Variants in ANKRD27 observed in about 807,000 individuals in gnomAD.
The protein encoded by ANKRD27 is ankyrin repeat domain-containing protein 27.
A neutral mutation model predicts 129.7 loss-of-function variants in ANKRD27; 112 were observed. The observed-to-expected ratio is 0.86, with a 90% confidence interval of 0.74 to 1.01. ANKRD27 has a LOEUF of 1.01. ANKRD27 is among the 50% of genes least tolerant of loss of function. The pLI, the probability that ANKRD27 is intolerant of heterozygous loss-of-function variation, is 0.00. For synonymous variants in ANKRD27, 516 were observed against 511.2 expected (o/e 1.01, Z -0.13); for missense variants, 1,258 against 1,300.5 (o/e 0.97, Z 0.50).
At chr19:32,626,311 G>C (rs1972089633) in intron 16 of ANKRD27, among the ~76,000 whole-genome samples, 1 of 152,130 alleles carries the variant, frequency 6.6e-6, no homozygotes, top group Admixed American at 6.6e-5. Context: ...GGGACTATAG[G>C]CACACACCAT....
At chr19:32,671,970 G>A (rs571037907) in intron 1 of ANKRD27, among the ~76,000 whole-genome samples, 3 of 152,138 alleles carry the variant, frequency 2.0e-5, no homozygotes, top group South Asian at 2.1e-4. Flanking sequence ...AGGGAGCAGC[G>A]TGCACACTCG....
chr19:32,643,927 T>G (rs889590531), intron 5 of ANKRD27: 54 of 498,590 alleles, frequency 1.1e-4, no homozygotes, highest in Middle Eastern at 1.1e-3. Context: ...CAGAGTAGAG[T>G]GCAGTGGTAT....
In ANKRD27 at chr19:32,599,982, C is replaced by T; in HGVS notation, c.2836G>A (p.Gly946Ser). 2 of 1,612,400 alleles carry T rather than the reference C, an allele frequency of 1.2e-6. No individual in the cohort carries two copies. Among genetic ancestry groups the T allele is most frequent in the Non-Finnish European group, 1.7e-6 (2 of 1,178,874 alleles). ...GAGTTTCATACTCACTTAAACTGAC[C>T]AGCTGAGTGGACAAAGTAAAACTGT... ...TRQFYFVHSA[G>S]QFKGKTSREI... is the part of the protein sequence containing the mutation. Residue 946 changes from glycine (G) to serine (S), a missense_variant, in exon 27 of 29, where the codon GGT becomes AGT. By Grantham distance (56) the Gly-to-Ser change is moderately conservative. Transcript: ENST00000306065.
intron 5 of ANKRD27, 134 bp downstream of exon 5, chr19:32,644,191 T>C: frequency 2.7e-6 from 3 of 1,092,450 alleles, no homozygotes; most frequent in Non-Finnish European, 4.0e-6. Context: ...CTTTTATAGT[T>C]AGAGAGAAAC....
intron 13 of ANKRD27, among the ~76,000 whole-genome samples, chr19:32,629,249 G>C (rs1182160288): frequency 2.0e-5 from 3 of 152,144 alleles, no homozygotes; most frequent in Non-Finnish European, 4.4e-5. Context: ...GCTCATCTAT[G>C]TGTTTATGGA....
intron 10 of ANKRD27, 64 bp from the exon 11 acceptor site, chr19:32,640,449 ACTCCCTACCACCGCACAC>A: frequency 7.5e-7 from 1 of 1,339,748 alleles, no homozygotes; most frequent in Non-Finnish European, 1.1e-6. Context: ...AAGCATATCA[ACTCCCTACCACCGCACAC>A]CTTGTGAAAC....
At position 32,641,764 on chromosome 19, in the gene ANKRD27, C is replaced by CTTTTTTTTTTT. The variant is rs35422369; in HGVS notation, c.904+259_904+260insAAAAAAAAAAA. On this transcript the variant is annotated intron_variant, in intron 10 of 28. Coordinates refer to ENST00000306065, the MANE Select transcript of ANKRD27 (RefSeq NM_032139.3). ...TTTCTTGACTTGTTTTCTTTTACTTCTTCTTTTTTTTTTTTTTTTTTGAGA... is the reference window on the plus strand; with the variant it reads ...TTTCTTGACTTGTTTTCTTTTACTTCTTTTTTTTTTTTTCTTTTTTTTTTTTTTTTTTGAGA... Among the ~76,000 whole-genome samples, 3 of 79,726 alleles carry CTTTTTTTTTTT rather than the reference C, an allele frequency of 3.8e-5. 1 individual carries two copies. 52.3% of individuals were successfully genotyped at this position (79,726 alleles called of 152,430 possible).
intron 1 of ANKRD27, among the ~76,000 whole-genome samples, chr19:32,660,459 A>C (rs1967623246): frequency 6.6e-6 from 1 of 152,234 alleles, no homozygotes. Context: ...CAGAGGTTGC[A>C]GTGAGCAGAG....
chr19:32,609,938 G>A (rs1971809175), intron 22 of ANKRD27, among the ~76,000 whole-genome samples: 1 of 152,154 alleles, frequency 6.6e-6, no homozygotes, highest in Admixed American at 6.5e-5. Context: ...CACTTTGGGA[G>A]GCTGAGGCAG....
intron 1 of ANKRD27, among the ~76,000 whole-genome samples, chr19:32,661,391 C>G (rs1403689968): frequency 6.6e-6 from 1 of 152,118 alleles, no homozygotes; most frequent in African/African-American, 2.4e-5. Flanking sequence ...AGTCCAATGA[C>G]ATGATCGTAG....
Position 32,631,486 on chromosome 19 carries a change from C to T in ANKRD27, c.1125G>A (p.Glu375=). ...GSLSAKPPES[E]GFGDRLFLKQ... ...TAAGGAACAGCCTGTCTCCAAATCC[C>T]TCAGACTCCTGCAGGGAAAAAACCA... Residue 375 remains glutamate, a synonymous_variant, in exon 13 of 29, where the codon GAG becomes GAA. Transcript: ENST00000306065. 3 of 1,614,016 alleles carry T rather than the reference C, an allele frequency of 1.9e-6. No individual in the cohort carries two copies. The highest frequency in any genetic ancestry group is 2.5e-6 in the Non-Finnish European group (3 of 1,179,950).
intron 1 of ANKRD27, among the ~76,000 whole-genome samples, chr19:32,669,474 C>T (rs1232095251): frequency 6.6e-6 from 1 of 152,144 alleles, no homozygotes; most frequent in African/African-American, 2.4e-5. Flanking sequence ...TAGTTCCTGA[C>T]ATAGTTGGTT....
In ANKRD27 at chr19:32,656,103, G is replaced by GAAAGGAAAAGAAAAGAAAAGAAAAGA. The variant is rs1555747137; in HGVS notation, c.102+2810_102+2811insTCTTTTCTTTTCTTTTCTTTTCCTTT. ...AGAAAGAAAGAAAGAAAGAAAGAAA[G>GAAAGGAAAAGAAAAGAAAAGAAAAGA]AAAGAAAAGAAAAGAAAAGAAAAGA... On this transcript the variant is annotated intron_variant, in intron 2 of 28. Transcript: ENST00000306065. Among the ~76,000 whole-genome samples the GAAAGGAAAAGAAAAGAAAAGAAAAGA allele has an allele frequency of 2.3e-4, 28 of 123,742 alleles. No individual in the cohort carries two copies. In the South Asian group the frequency reaches 2.5e-3, roughly 11 times the overall value. 81.2% of individuals were successfully genotyped at this position (123,742 alleles called of 152,430 possible).
chr19:32,666,351 G>A (rs1456440715), intron 1 of ANKRD27: 1 of 152,156 alleles, frequency 6.6e-6, no homozygotes, highest in African/African-American at 2.4e-5. Context: ...ATCAGAACTG[G>A]GACTTCTGAA....
At chr19:32,674,031 C>A (rs1045360071) in intron 1 of ANKRD27, among the ~76,000 whole-genome samples, 1 of 151,820 alleles carries the variant, frequency 6.6e-6, no homozygotes, top group South Asian at 2.1e-4. Context: ...GTGGCATGCG[C>A]CTGTAGTCCC....
intron 20 of ANKRD27, among the ~76,000 whole-genome samples, chr19:32,617,840 C>T (rs1191344409): frequency 1.1e-4 from 17 of 151,636 alleles, no homozygotes; most frequent in African/African-American, 2.7e-4. Flanking sequence ...CCGCAACCTC[C>T]GCCTCCCAGG....
At chr19:32,643,857 C>T (rs1005794385) in intron 5 of ANKRD27, 32 of 560,216 alleles carry the variant, frequency 5.7e-5, no homozygotes, top group Non-Finnish European at 9.2e-5. Context: ...TATACTTCCC[C>T]ATGACTTTAC....
At chr19:32,650,325 G>T (rs1967388948) in intron 2 of ANKRD27, among the ~76,000 whole-genome samples, 1 of 152,194 alleles carries the variant, frequency 6.6e-6, no homozygotes, top group Admixed American at 6.5e-5. Flanking sequence ...GCCAAGGCAG[G>T]CGGATCACTT....
intron 1 of ANKRD27, among the ~76,000 whole-genome samples, chr19:32,659,553 CT>C (rs1967608639): frequency 6.6e-6 from 1 of 152,078 alleles, no homozygotes; most frequent in African/African-American, 2.4e-5. Flanking sequence ...TCTTGTTAAA[CT>C]CCAAGTCTTG....
Sources: allele counts gnomAD v4.1 joint callset (sites outside exome capture counted in the v4.1 genomes callset), GRCh38; gene constraint gnomAD v4.1.1; transcripts MANE v1.5; gene names NCBI Gene and HGNC (gene_info 2026-07-23, HGNC 2026-07-21).